Variants in SCLT1 observed in about 807,000 individuals in gnomAD.
The protein encoded by SCLT1 is sodium channel and clathrin linker 1.
SCLT1 carries 78 observed loss-of-function variants against 112.8 expected under a neutral mutation model. The ratio of observed to expected loss-of-function variants is 0.69; its 90% confidence interval spans 0.58 to 0.83. The LOEUF (loss-of-function observed/expected upper bound fraction) is 0.83. SCLT1 is among the 40% of genes least tolerant of loss of function. The pLI, the probability that SCLT1 is intolerant of heterozygous loss-of-function variation, is 0.00. For synonymous variants in SCLT1, 257 were observed against 254.7 expected (o/e 1.01, Z -0.09); for missense variants, 747 against 770.4 (o/e 0.97, Z 0.36).
chr4:128,921,898 G>A (rs1440086781), intron 18 of SCLT1, among the ~76,000 whole-genome samples: 3 of 152,040 alleles, frequency 2.0e-5, no homozygotes, highest in Non-Finnish European at 4.4e-5. Context: ...AACTGTGCAT[G>A]CTATAAAAGT....
At chr4:128,873,806 A>G (rs1732380220) in intron 5 of SCLT1, 1 of 152,616 alleles carries the variant, frequency 6.6e-6, no homozygotes, top group African/African-American at 2.4e-5. Context: ...TACTTAATGA[A>G]TAATGCTTTG....
intron 11 of SCLT1, among the ~76,000 whole-genome samples, chr4:128,961,731 C>T (rs1341498759): frequency 1.3e-5 from 2 of 152,140 alleles, no homozygotes; most frequent in East Asian, 3.9e-4. Context: ...TTTACTGTTG[C>T]TTCTTCCATG....
intron 9 of SCLT1, among the ~76,000 whole-genome samples, chr4:128,979,285 T>A (rs968998249): frequency 6.6e-6 from 1 of 152,184 alleles, no homozygotes; most frequent in African/African-American, 2.4e-5. Context: ...CTCATATAAA[T>A]ACAACCTTCA....
At chr4:128,923,029 A>G (rs1735998897) in intron 18 of SCLT1, among the ~76,000 whole-genome samples, 1 of 152,186 alleles carries the variant, frequency 6.6e-6, no homozygotes, top group Non-Finnish European at 1.5e-5. Flanking sequence ...GGCAATATTT[A>G]TTTTGGTTTT....
intron 2 of SCLT1, among the ~76,000 whole-genome samples, chr4:129,050,342 C>T (rs928178351): frequency 1.3e-5 from 2 of 152,184 alleles, no homozygotes; most frequent in African/African-American, 4.8e-5. Context: ...AACTAATTTA[C>T]ACTCCCACCA....
At chr4:128,979,315 A>G (rs1415294913) in intron 9 of SCLT1, among the ~76,000 whole-genome samples, 2 of 152,106 alleles carry the variant, frequency 1.3e-5, no homozygotes, top group African/African-American at 4.8e-5. Flanking sequence ...CAATGTAATG[A>G]TATTACCAGG....
chr4:129,043,525 T>C (rs1009696066), intron 3 of SCLT1, 58 bp from the exon 4 acceptor site: 15 of 743,424 alleles, frequency 2.0e-5, no homozygotes, highest in Non-Finnish European at 3.3e-5. Flanking sequence ...AATAAATATA[T>C]AACAAGTGAA....
intron 1 of SCLT1, among the ~76,000 whole-genome samples, chr4:129,088,949 A>G (rs1234085615): frequency 2.0e-5 from 3 of 152,234 alleles, no homozygotes; most frequent in Admixed American, 2.0e-4. Context: ...ATGGGCAAAG[A>G]CTTAATGTCT....
chr4:129,071,344 C>T (rs1291777469), intron 2 of SCLT1, among the ~76,000 whole-genome samples: 2 of 152,126 alleles, frequency 1.3e-5, no homozygotes, highest in Non-Finnish European at 2.9e-5. Flanking sequence ...GACTTTCAGT[C>T]TTGATGCCCT....
At position 129,080,367 on chromosome 4, in the gene SCLT1, T is replaced by C. The variant is rs1751830024; in HGVS notation, c.102+1939A>G. On this transcript the variant is annotated intron_variant, in intron 2 of 20. Transcript: ENST00000281142. ...TGCAAACACATATGAACTTACACTG[T>C]TAAAAGCAGCCAGGCTACATCTTGA... 2.6e-5 allele frequency among the ~76,000 whole-genome samples: 4 copies of C among 152,238 alleles called. No individual in the cohort carries two copies. In the South Asian group the frequency reaches 8.3e-4, roughly 31 times the overall value.
At chr4:129,009,492 C>T (rs1045732424) in intron 5 of SCLT1, among the ~76,000 whole-genome samples, 4 of 148,370 alleles carry the variant, frequency 2.7e-5, no homozygotes, top group African/African-American at 7.5e-5. Flanking sequence ...CCAGCCTGGG[C>T]GACAGAGTGA....
At chr4:129,049,349 A>T (rs909240513) in intron 2 of SCLT1, among the ~76,000 whole-genome samples, 14 of 151,924 alleles carry the variant, frequency 9.2e-5, no homozygotes, top group Admixed American at 2.0e-4. Context: ...TGAAATTGGA[A>T]ATCATCATTC....
chr4:129,082,724 T>C (rs1285650185), intron 1 of SCLT1, among the ~76,000 whole-genome samples: 3 of 152,166 alleles, frequency 2.0e-5, no homozygotes, highest in Non-Finnish European at 2.9e-5. Context: ...TTGAGAAGCA[T>C]TGGGAAGATA....
intron 17 of SCLT1, among the ~76,000 whole-genome samples, chr4:128,938,346 C>T (rs1737386843): frequency 6.6e-6 from 1 of 152,180 alleles, no homozygotes; most frequent in Non-Finnish European, 1.5e-5. Context: ...CTTGCCACCC[C>T]TGCTAAATGC....
rs548562660 is a variant in SCLT1, at chr4:128,952,667, G to A, written c.1218+102C>T. The A allele has an allele frequency of 3.0e-5, 23 of 778,672 alleles. No homozygotes were observed. The East Asian group carries it at 5.2e-4, about 17-fold the overall frequency. 48.2% of individuals were successfully genotyped at this position (778,672 alleles called of 1,614,324 possible). A position where few individuals can be genotyped will look rare whatever the true frequency, so the allele number is the denominator to read the frequency against. ...TTTCTTAGCACCTAGCCAGGGCTTG[G>A]TTTAATAAGTATCTTTTGAATGAAT... On this transcript the variant is annotated intron_variant, in intron 14 of 20. Coordinates refer to ENST00000281142, the MANE Select transcript of SCLT1 (RefSeq NM_144643.4).
intron 4 of SCLT1, among the ~76,000 whole-genome samples, chr4:128,876,161 C>A (rs1340851430): frequency 1.3e-5 from 2 of 152,098 alleles, no homozygotes; most frequent in Non-Finnish European, 2.9e-5. Flanking sequence ...TGATTAGGAT[C>A]CAAAACAGGG....
intron 5 of SCLT1, among the ~76,000 whole-genome samples, chr4:129,030,349 T>A (rs1746594696): frequency 6.6e-6 from 1 of 151,928 alleles, no homozygotes; most frequent in Non-Finnish European, 1.5e-5. Flanking sequence ...AATGCCCACA[T>A]CAGAAAGTGG....
At chr4:128,883,528 A>G (rs1037077940), downstream of SCLT1, among the ~76,000 whole-genome samples, 1 of 152,184 alleles carries the variant, frequency 6.6e-6, no homozygotes, top group Non-Finnish European at 1.5e-5. Context: ...CATGTTCTGC[A>G]CATTTACCCT....
chr4:128,920,195 G>T (rs561199656), intron 18 of SCLT1, among the ~76,000 whole-genome samples: 2 of 152,104 alleles, frequency 1.3e-5, no homozygotes, highest in South Asian at 4.1e-4. Flanking sequence ...AAGACGATCC[G>T]CCACAATCAA....
Sources: allele counts gnomAD v4.1 joint callset (sites outside exome capture counted in the v4.1 genomes callset), GRCh38; gene constraint gnomAD v4.1.1; transcripts MANE v1.5; gene names NCBI Gene and HGNC (gene_info 2026-07-23, HGNC 2026-07-21).